The following EIF4G3 variants were observed in gnomAD, a reference collection of about 807,000 sequenced individuals.
EIF4G3 encodes eIF-4-gamma 3.
A neutral mutation model predicts 186.4 loss-of-function variants in EIF4G3; 34 were observed. The observed-to-expected ratio is 0.18, with a 90% CI of 0.14 to 0.24. The LOEUF (loss-of-function observed/expected upper bound fraction) is 0.24, where lower values mean the gene tolerates loss of function less well. Among genes scored for constraint, EIF4G3 ranks in the 10% least tolerant of loss-of-function variants. The probability of loss-of-function intolerance (pLI) is 1.00; values close to 1 mark genes in which losing one functional copy is unlikely to be tolerated. For synonymous variants in EIF4G3, 673 were observed against 679.5 expected (o/e 0.99, Z 0.15); for missense variants, 1,536 against 1,948.5 (o/e 0.79, Z 3.99).
chr1:20,971,944 A>T (rs1280677734), intron 11 of EIF4G3, among the ~76,000 whole-genome samples: 1 of 152,110 alleles, frequency 6.6e-6, no homozygotes, highest in East Asian at 1.9e-4. Context: ...GAACCTCATT[A>T]ATTTTTATTA....
intron 3 of EIF4G3, among the ~76,000 whole-genome samples, chr1:21,052,259 G>A (rs2094263500): frequency 1.3e-5 from 2 of 152,100 alleles, no homozygotes; most frequent in Admixed American, 1.3e-4. Flanking sequence ...ATCAATCCTA[G>A]CCAGCTCTTC....
chr1:20,953,889 CA>C (rs1481518681), intron 12 of EIF4G3, among the ~76,000 whole-genome samples: 2 of 152,128 alleles, frequency 1.3e-5, no homozygotes, highest in African/African-American at 2.4e-5. Flanking sequence ...CCATAAATAA[CA>C]TGTTATTGGA....
Position 21,091,709 on chromosome 1 carries a change from T to C in EIF4G3, c.-271-2496A>G, listed in dbSNP as rs570033354. 2.6e-5 allele frequency among the ~76,000 whole-genome samples: 4 copies of C among 152,286 alleles called. No individual in the cohort carries two copies. The East Asian group carries it at 7.7e-4, about 29-fold the overall frequency. On this transcript the variant is annotated intron_variant, in intron 2 of 36. Coordinates refer to ENST00000602326, the MANE Select transcript of EIF4G3 (RefSeq NM_001391906.1). ...GTTCTCCTTGAAGAGGTCCTTCATA[T>C]CCCTTGTAAGTTGGATTCCTAGGTA...
chr1:21,076,445 T>G (rs556647776), intron 3 of EIF4G3, among the ~76,000 whole-genome samples: 8 of 151,702 alleles, frequency 5.3e-5, no homozygotes, highest in Non-Finnish European at 5.9e-5. Context: ...AGCCAAGATA[T>G]GCCCACTGCA....
chr1:21,141,085 C>T (rs1268034737), intron 2 of EIF4G3, among the ~76,000 whole-genome samples: 1 of 152,116 alleles, frequency 6.6e-6, no homozygotes, highest in Non-Finnish European at 1.5e-5. Context: ...AAGAACTTCA[C>T]AAGTTAATGT....
chr1:21,160,849 C>G (rs2097755350), intron 2 of EIF4G3, among the ~76,000 whole-genome samples: 1 of 152,068 alleles, frequency 6.6e-6, no homozygotes, highest in Non-Finnish European at 1.5e-5. Context: ...AGTACGAGGG[C>G]AGAGTAGGAC....
In EIF4G3 at chr1:20,997,484, C is replaced by T; in HGVS notation, c.177+117G>A. On this transcript the variant is annotated intron_variant, in intron 7 of 36. Transcript: ENST00000602326. The stretch of plus-strand genomic sequence containing the variant: ...GCTGAATTATATCAGATAAAAGCTA[C>T]TCTTGAAATGAGTAATTTGAGTAGT... The T allele has an allele frequency of 6.0e-6, 6 of 999,158 alleles. No homozygotes were observed. The Middle Eastern group carries it at 6.2e-4, about 103-fold the overall frequency. The allele number at this position is 999,158 out of a possible 1,614,324, so 61.9% of individuals were successfully genotyped here.
chr1:21,132,549 C>A (rs1180164548), intron 2 of EIF4G3, among the ~76,000 whole-genome samples: 1 of 151,900 alleles, frequency 6.6e-6, no homozygotes, highest in African/African-American at 2.4e-5. Context: ...ATCCTCCCAC[C>A]TCAGCCTCCC....
chr1:20,887,178 G>A (rs945947816), intron 18 of EIF4G3, among the ~76,000 whole-genome samples: 1 of 151,328 alleles, frequency 6.6e-6, no homozygotes, highest in Non-Finnish European at 1.5e-5. Flanking sequence ...TACTTTTTCT[G>A]ATATATCATT....
chr1:21,039,697 A>G (rs12240239), intron 4 of EIF4G3, among the ~76,000 whole-genome samples: 4,519 of 152,246 alleles, frequency 0.03, 238 homozygotes, highest in African/African-American at 0.1. Context: ...TCTGTAAAGA[A>G]CACTATCAAC....
chr1:20,818,102 C>T (rs748650311), intron 33 of EIF4G3, among the ~76,000 whole-genome samples: 7 of 152,084 alleles, frequency 4.6e-5, no homozygotes, highest in Non-Finnish European at 8.8e-5. Context: ...TATGGTTACA[C>T]GCAAATAATC....
At chr1:20,929,350 C>T (rs1196834845) in intron 14 of EIF4G3, 1 of 152,172 alleles carries the variant, frequency 6.6e-6, no homozygotes, top group African/African-American at 2.4e-5. Context: ...GATGTGTCTA[C>T]TGTGAAGATA....
chr1:21,113,567 T>C (rs1171101017), intron 2 of EIF4G3, among the ~76,000 whole-genome samples: 1 of 152,190 alleles, frequency 6.6e-6, no homozygotes, highest in African/African-American at 2.4e-5. Flanking sequence ...CAACTTTCCA[T>C]GTGCTGTTAC....
chr1:21,052,823 T>A lies in EIF4G3; in HGVS notation c.-195-1829A>T, dbSNP rs1264469419. ...GTCTCCAGCTCCTAACCGCGAGTGA[T>A]CCGCCAGCCTCGGCCTCCCGAGGTG... On this transcript the variant is annotated intron_variant, in intron 3 of 36. Coordinates refer to ENST00000602326, the MANE Select transcript of EIF4G3 (RefSeq NM_001391906.1). 3.3e-5 allele frequency among the ~76,000 whole-genome samples: 5 copies of A among 152,226 alleles called. No homozygotes were observed. The East Asian group carries it at 7.7e-4, about 23-fold the overall frequency.
intron 2 of EIF4G3, among the ~76,000 whole-genome samples, chr1:21,171,673 A>G (rs1197701191): frequency 6.6e-6 from 1 of 152,212 alleles, no homozygotes; most frequent in Non-Finnish European, 1.5e-5. Context: ...TTGCAAGAAT[A>G]ACACAAATCT....
intron 2 of EIF4G3, chr1:21,175,412 G>A (rs1230336820): frequency 2.6e-5 from 4 of 152,192 alleles, no homozygotes; most frequent in African/African-American, 9.7e-5. Flanking sequence ...GGCCTATGAG[G>A]AGTAAATTAA....
At chr1:21,053,813 T>C (rs1392327887) in intron 3 of EIF4G3, among the ~76,000 whole-genome samples, 1 of 140,202 alleles carries the variant, frequency 7.1e-6, no homozygotes, top group African/African-American at 2.7e-5. Context: ...GGAGCCCCTC[T>C]GCCCGGCCAG....
intron 4 of EIF4G3, among the ~76,000 whole-genome samples, chr1:21,022,750 G>A (rs2091034848): frequency 6.6e-6 from 1 of 152,168 alleles, no homozygotes; most frequent in Non-Finnish European, 1.5e-5. Context: ...AATTAAGCTA[G>A]GTCTATTTGG....
intron 2 of EIF4G3, among the ~76,000 whole-genome samples, chr1:21,147,276 A>C (rs1041313756): frequency 6.6e-6 from 1 of 151,984 alleles, no homozygotes; most frequent in Non-Finnish European, 1.5e-5. Flanking sequence ...ATAAATAAAT[A>C]AATCTATATA....
Sources: gnomAD v4.1 joint callset for allele counts (sites outside exome capture counted in the v4.1 genomes callset) on GRCh38, gnomAD v4.1.1 for gene constraint, MANE v1.5 for transcripts, NCBI Gene and HGNC (gene_info 2026-07-23, HGNC 2026-07-21) for gene names.